The following UBTD2 variants were observed in gnomAD, a reference collection of about 807,000 sequenced individuals.
UBTD2 encodes the protein ubiquitin domain-containing protein 2.
Under a neutral mutation model 19.8 loss-of-function variants are expected in UBTD2, and 9 were observed. The ratio of observed to expected loss-of-function variants is 0.46; its 90% CI spans 0.27 to 0.79. UBTD2 has a LOEUF of 0.79. UBTD2 is among the 30% of genes least tolerant of loss of function. The pLI is 0.14. For missense variants in UBTD2, 250 were observed against 300.4 expected (o/e 0.83, Z 1.24); for synonymous variants, 98 against 103.9 (o/e 0.94, Z 0.35).
chr5:172,225,017 T>G (rs1462486436), intron 2 of UBTD2, among the ~76,000 whole-genome samples: 1 of 152,150 alleles, frequency 6.6e-6, no homozygotes, highest in East Asian at 1.9e-4. Context: ...TAGCAATTAC[T>G]AGTTTTAACA....
chr5:172,278,072 T>G (rs1755643327), intron 1 of UBTD2, among the ~76,000 whole-genome samples: 1 of 152,164 alleles, frequency 6.6e-6, no homozygotes, highest in South Asian at 2.1e-4. Context: ...CATCATACAC[T>G]GCTGGTAAGA....
In UBTD2 at chr5:172,237,848, G is replaced by A. The variant is rs1581218230; in HGVS notation, c.71-3490C>T. 2.0e-5 allele frequency among the ~76,000 whole-genome samples: 3 copies of A among 152,336 alleles called. No individual in the cohort carries two copies. In the South Asian group the frequency reaches 6.2e-4, roughly 32 times the overall value. ...AAAAATGAACTTAGAGGTACTATATGAAATAACATCTTTAAGTCCTTTGGC... is the reference window on the plus strand; with the variant it reads ...AAAAATGAACTTAGAGGTACTATATAAAATAACATCTTTAAGTCCTTTGGC... On this transcript the variant is annotated intron_variant, in intron 1 of 2. Transcript: ENST00000393792.
intron 1 of UBTD2, among the ~76,000 whole-genome samples, chr5:172,257,800 A>C (rs911985305): frequency 1.3e-5 from 2 of 152,206 alleles, no homozygotes; most frequent in Non-Finnish European, 2.9e-5. Flanking sequence ...CTTGTTAGCC[A>C]CAGGAATGTC....
At chr5:172,258,728 G>C (rs997109634) in intron 1 of UBTD2, among the ~76,000 whole-genome samples, 2 of 152,166 alleles carry the variant, frequency 1.3e-5, no homozygotes, top group African/African-American at 2.4e-5. Flanking sequence ...ACTGTGAACA[G>C]AACTGTATTC....
intron 2 of UBTD2, among the ~76,000 whole-genome samples, chr5:172,221,457 G>GAGT: frequency 6.6e-6 from 1 of 152,212 alleles, no homozygotes; most frequent in Non-Finnish European, 1.5e-5. Flanking sequence ...AGCTATGTCT[G>GAGT]GGCCACCATA....
Position 172,211,833 on chromosome 5 carries a change from G to A in UBTD2, c.702C>T (p.Asn234=). The stretch of plus-strand genomic sequence containing the variant: ...GAGCTGGCCAACAGGGCTCAGTTCA[G>A]TTCTCCACTGGTGTTGGGTTCTGCA... ...QPVQNPTPVE[N] The change falls in exon 3 of 3, where the codon AAC becomes AAT. Residue 234 remains asparagine (N), a synonymous_variant. Transcript: ENST00000393792. The A allele has an allele frequency of 6.2e-7, 1 of 1,606,204 alleles. No individual in the cohort carries two copies.
At chr5:172,241,703 A>T (rs1290989772) in intron 1 of UBTD2, among the ~76,000 whole-genome samples, 1 of 152,064 alleles carries the variant, frequency 6.6e-6, no homozygotes, top group South Asian at 2.1e-4. Context: ...TATGGTAAAT[A>T]AAAGTTTTTT....
At chr5:172,218,783 A>T (rs771019125) in intron 2 of UBTD2, among the ~76,000 whole-genome samples, 103 of 67,386 alleles carry the variant, frequency 1.5e-3, no homozygotes, top group African/African-American at 5.1e-3. Context: ...ACCAAAAAAA[A>T]AAAAAATAAA....
At chr5:172,232,574 CT>C (rs1429397837) in intron 2 of UBTD2, among the ~76,000 whole-genome samples, 4 of 151,970 alleles carry the variant, frequency 2.6e-5, no homozygotes, top group African/African-American at 9.7e-5. Flanking sequence ...AGTTAAGTAT[CT>C]TTTGGACAGG....
chr5:172,223,845 A>C (rs1043171256), intron 2 of UBTD2, among the ~76,000 whole-genome samples: 1 of 152,170 alleles, frequency 6.6e-6, no homozygotes, highest in Non-Finnish European at 1.5e-5. Context: ...GTTAATGAGA[A>C]GGAGAAAATG....
chr5:172,273,014 T>A (rs1308791648), intron 1 of UBTD2, among the ~76,000 whole-genome samples: 2 of 149,792 alleles, frequency 1.3e-5, no homozygotes, highest in African/African-American at 4.9e-5. Flanking sequence ...GAGACAGAGG[T>A]TGCAGTGAGC....
chr5:172,216,591 CAAAAAAAAAA>C (rs57657254), intron 2 of UBTD2, among the ~76,000 whole-genome samples: 2 of 36,930 alleles, frequency 5.4e-5, no homozygotes, highest in Admixed American at 4.3e-4. Context: ...CATCTCTACC[CAAAAAAAAAA>C]AAAAAAAAAA....
At chr5:172,265,355 G>T (rs184604259) in intron 1 of UBTD2, among the ~76,000 whole-genome samples, 1 of 151,846 alleles carries the variant, frequency 6.6e-6, no homozygotes, top group Non-Finnish European at 1.5e-5. Context: ...TTTTTGAGAC[G>T]GAGTCTTGCT....
At chr5:172,267,147 C>T (rs910903745) in intron 1 of UBTD2, among the ~76,000 whole-genome samples, 3 of 151,772 alleles carry the variant, frequency 2.0e-5, no homozygotes, top group African/African-American at 7.3e-5. Flanking sequence ...TTCAGAGATC[C>T]ATAAACACAA....
intron 2 of UBTD2, among the ~76,000 whole-genome samples, chr5:172,231,511 G>A (rs991697000): frequency 6.6e-6 from 1 of 152,136 alleles, no homozygotes; most frequent in African/African-American, 2.4e-5. Flanking sequence ...GAGGGACTTC[G>A]GTCTTTAGTG....
intron 2 of UBTD2, among the ~76,000 whole-genome samples, chr5:172,216,568 C>CATAGGGAA (rs1220376445): frequency 1.1e-5 from 1 of 93,670 alleles, no homozygotes; most frequent in Non-Finnish European, 1.9e-5. Flanking sequence ...GCTTGGGCAA[C>CATAGGGAA]ATAGGGAAAC....
intron 1 of UBTD2, among the ~76,000 whole-genome samples, chr5:172,243,563 T>TTTC (rs1275254653): frequency 1.1e-3 from 157 of 148,396 alleles, no homozygotes; most frequent in African/African-American, 3.8e-3. Flanking sequence ...CCTTTTTTTT[T>TTTC]TTTTTTTTTT....
intron 2 of UBTD2, among the ~76,000 whole-genome samples, chr5:172,232,129 TG>T (rs1409145365): frequency 2.0e-5 from 3 of 151,942 alleles, no homozygotes; most frequent in African/African-American, 7.3e-5. Flanking sequence ...AAAAATTAGC[TG>T]GGCCTGGTGG....
At chr5:172,227,781 A>G (rs548151987) in intron 2 of UBTD2, among the ~76,000 whole-genome samples, 1 of 144,686 alleles carries the variant, frequency 6.9e-6, no homozygotes, top group African/African-American at 2.6e-5. Flanking sequence ...CCTGGGTTCA[A>G]GCAATTCTCC....
Sources: allele counts gnomAD v4.1 joint callset (sites outside exome capture counted in the v4.1 genomes callset), GRCh38; gene constraint gnomAD v4.1.1; transcripts MANE v1.5; gene names NCBI Gene and HGNC (gene_info 2026-07-23, HGNC 2026-07-21).